The following SLIT3 variants were observed in gnomAD, a reference collection of about 807,000 sequenced individuals.
SLIT3 encodes the protein slit homolog 3 protein.
A neutral mutation model predicts 184.0 loss-of-function variants in SLIT3; 68 were observed. That is an observed-to-expected ratio of 0.37 (90% CI 0.30 to 0.45). The LOEUF is 0.45. SLIT3 is among the 20% of genes least tolerant of loss of function. The probability of loss-of-function intolerance (pLI) is 1.00; values close to 1 mark genes in which losing one functional copy is unlikely to be tolerated. For synonymous variants in SLIT3, 831 were observed against 828.6 expected, an observed-to-expected ratio of 1.00 and a Z score of -0.05; for missense variants, 1,707 against 2,026.0, an observed-to-expected ratio of 0.84 and a Z score of 3.02.
At chr5:168,907,959 TATATATATATATATATATATAGAGAG>T (rs1761122530) in intron 4 of SLIT3, among the ~76,000 whole-genome samples, 2 of 88,182 alleles carry the variant, frequency 2.3e-5, no homozygotes, top group African/African-American at 4.4e-5. Context: ...TATATATATA[TATATATATATATATATATATAGAGAG>T]AGAGAGAGAG....
rs562287986 is a variant in SLIT3, at chr5:169,049,750, T to C, written c.413+143729A>G. Among the ~76,000 whole-genome samples, 9 of 152,324 alleles carry C rather than the reference T, an allele frequency of 5.9e-5. No individual in the cohort carries two copies. In the South Asian group the frequency reaches 1.7e-3, roughly 28 times the overall value. ...ACTGGCATTTGGGGTTGACGAATGA[T>C]AGGCAACACACTTAAATCTGCTAGA... On this transcript the variant is annotated intron_variant, in intron 4 of 35. Coordinates refer to ENST00000519560, the MANE Select transcript of SLIT3 (RefSeq NM_003062.4).
chr5:168,915,309 GT>G (rs1761396686), intron 4 of SLIT3, among the ~76,000 whole-genome samples: 1 of 152,190 alleles, frequency 6.6e-6, no homozygotes, highest in South Asian at 2.1e-4. Flanking sequence ...TGAAGTTAAA[GT>G]TTGATTCTTA....
At chr5:169,152,565 G>A (rs552605831) in intron 4 of SLIT3, among the ~76,000 whole-genome samples, 1 of 152,264 alleles carries the variant, frequency 6.6e-6, no homozygotes, top group African/African-American at 2.4e-5. Context: ...TTTTGACCAC[G>A]TGTACCTTTT....
chr5:168,995,491 A>G (rs976321434), intron 4 of SLIT3: 8 of 152,168 alleles, frequency 5.3e-5, no homozygotes, highest in African/African-American at 1.4e-4. Flanking sequence ...TTCCCCAGGT[A>G]CTCAATGATT....
intron 4 of SLIT3, among the ~76,000 whole-genome samples, chr5:168,971,220 A>C (rs1754565087): frequency 6.6e-6 from 1 of 152,208 alleles, no homozygotes; most frequent in Non-Finnish European, 1.5e-5. Context: ...CATCATCTTC[A>C]GCGTCACCAT....
At position 168,869,954 on chromosome 5, in the gene SLIT3, C is replaced by G. The variant is rs564105510; in HGVS notation, c.485+13311G>C. 3.3e-5 allele frequency among the ~76,000 whole-genome samples: 5 copies of G among 152,312 alleles called. No homozygotes were observed. The East Asian group carries it at 9.6e-4, about 29-fold the overall frequency. On this transcript the variant is annotated intron_variant, in intron 5 of 35. Transcript: ENST00000519560. Reference sequence around the variant, plus strand: ...TAGCTGTCGGTGTAAATGGACACATCGTAACACATCCATTTATAGAGCTGA... The same window carrying G: ...TAGCTGTCGGTGTAAATGGACACATGGTAACACATCCATTTATAGAGCTGA...
At chr5:169,008,323 A>G (rs17734281) in intron 4 of SLIT3, among the ~76,000 whole-genome samples, 31,403 of 152,134 alleles carry the variant, frequency 0.21, 3,344 homozygotes, top group East Asian at 0.41. Context: ...TGTGGCCATG[A>G]AGCTGCAAGG....
intron 4 of SLIT3, among the ~76,000 whole-genome samples, chr5:169,020,430 T>G (rs7709618): frequency 7.0e-4 from 106 of 152,190 alleles, no homozygotes; most frequent in African/African-American, 2.5e-3. Context: ...AGTGGCAGAG[T>G]TCTTAATGAT....
intron 4 of SLIT3, among the ~76,000 whole-genome samples, chr5:169,102,554 A>T (rs1760059819): frequency 6.6e-6 from 1 of 152,188 alleles, no homozygotes; most frequent in African/African-American, 2.4e-5. Flanking sequence ...TGTATTTTAA[A>T]ATTTGTATTA....
rs530010644 is a variant in SLIT3 at position 168,889,776 on chromosome 5, C to A, written c.414-6440G>T. Among the ~76,000 whole-genome samples the A allele has an allele frequency of 1.8e-3, 267 of 152,282 alleles. 1 individual carries two copies. Among genetic ancestry groups the A allele is most frequent in the African/African-American group, 6.1e-3 (255 of 41,540 alleles). On this transcript the variant is annotated intron_variant, in intron 4 of 35. Coordinates refer to ENST00000519560, the MANE Select transcript of SLIT3 (RefSeq NM_003062.4). Reference sequence around the variant, plus strand: ...GTTTCTGTCCTCCTGCAGTTTACATCCTTATTTATCCCAGATACAAAGAAA... The same window carrying A: ...GTTTCTGTCCTCCTGCAGTTTACATACTTATTTATCCCAGATACAAAGAAA...
chr5:168,895,095 G>A (rs545292981), intron 4 of SLIT3, among the ~76,000 whole-genome samples: 8 of 152,290 alleles, frequency 5.3e-5, no homozygotes, highest in East Asian at 3.9e-4. Flanking sequence ...GGAAGTCAGC[G>A]GGCTAAGGCA....
intron 5 of SLIT3, among the ~76,000 whole-genome samples, chr5:168,872,640 C>CTTTTTTTTTTTTTTT (rs774066150): frequency 1.8e-5 from 2 of 112,430 alleles, no homozygotes; most frequent in African/African-American, 3.5e-5. Context: ...TCTTCTTCTT[C>CTTTTTTTTTTTTTTT]TTTTTTTTTT....
At chr5:169,036,405 T>C (rs1757251218) in intron 4 of SLIT3, 2 of 152,128 alleles carry the variant, frequency 1.3e-5, no homozygotes. Context: ...AAGAGCGAGA[T>C]AAAGAAACCA....
At chr5:169,252,543 A>G (rs1765813508) in intron 1 of SLIT3, among the ~76,000 whole-genome samples, 1 of 152,238 alleles carries the variant, frequency 6.6e-6, no homozygotes, top group African/African-American at 2.4e-5. Flanking sequence ...CGCCAAAAAA[A>G]GGAACCATGA....
At chr5:168,944,928 TAC>T (rs1468513735) in intron 4 of SLIT3, among the ~76,000 whole-genome samples, 2 of 152,124 alleles carry the variant, frequency 1.3e-5, no homozygotes, top group African/African-American at 4.8e-5. Flanking sequence ...GAAGGGTCTG[TAC>T]CTCCAGTTGT....
intron 12 of SLIT3, among the ~76,000 whole-genome samples, chr5:168,785,644 T>C (rs1193618430): frequency 6.6e-6 from 1 of 152,240 alleles, no homozygotes; most frequent in Non-Finnish European, 1.5e-5. Flanking sequence ...CCAGACCCTG[T>C]GCTTAGTATC....
At chr5:168,688,980 G>A (rs1347029720) in intron 29 of SLIT3, among the ~76,000 whole-genome samples, 6 of 152,216 alleles carry the variant, frequency 3.9e-5, no homozygotes, top group South Asian at 2.1e-4. Context: ...AAGAATTAGG[G>A]AAGCTATTCT....
intron 4 of SLIT3, among the ~76,000 whole-genome samples, chr5:168,997,480 A>G (rs1261694247): frequency 6.6e-6 from 1 of 152,218 alleles, no homozygotes; most frequent in African/African-American, 2.4e-5. Flanking sequence ...CTAGAAAGGG[A>G]TGGGGGTAGA....
intron 8 of SLIT3, among the ~76,000 whole-genome samples, chr5:168,814,321 G>A (rs145948477): frequency 0.015 from 2,275 of 152,242 alleles, 60 homozygotes; most frequent in African/African-American, 0.051. Flanking sequence ...GCTTGAACCC[G>A]TGAGGCAGAA....
Sources: gnomAD v4.1 joint callset for allele counts (sites outside exome capture counted in the v4.1 genomes callset) on GRCh38, gnomAD v4.1.1 for gene constraint, MANE v1.5 for transcripts, NCBI Gene and HGNC (gene_info 2026-07-23, HGNC 2026-07-21) for gene names.